The following ABCA13 variants were observed in gnomAD, a reference collection of about 807,000 sequenced individuals.
The protein encoded by ABCA13 is ATP-binding cassette sub-family A member 13.
A neutral mutation model predicts 478.7 loss-of-function variants in ABCA13; 476 were observed. The observed-to-expected ratio is 0.99, with a 90% CI of 0.92 to 1.07. The LOEUF is 1.07. Ranked by LOEUF, ABCA13 falls within the 50% of genes least tolerant of loss-of-function variation. The probability of loss-of-function intolerance (pLI) is 0.00; values close to 1 mark genes in which losing one functional copy is unlikely to be tolerated. For synonymous variants in ABCA13, 2,252 were observed against 2,158.9 expected (o/e 1.04, Z -1.20); for missense variants, 6,060 against 5,910.6 (o/e 1.03, Z -0.83).
intron 11 of ABCA13, 129 bp downstream of exon 11, chr7:48,244,832 A>G (rs527983992): frequency 1.7e-6 from 2 of 1,161,514 alleles, no homozygotes; most frequent in Admixed American, 4.7e-5. Context: ...TCATATGCAT[A>G]TTTATGCTTT....
chr7:48,476,510 AGGG>A (rs1211557471), intron 45 of ABCA13, among the ~76,000 whole-genome samples: 1 of 141,256 alleles, frequency 7.1e-6, no homozygotes, highest in Non-Finnish European at 1.5e-5. Flanking sequence ...CAGAAGAGGC[AGGG>A]GTGGTAGGTT....
intron 41 of ABCA13, among the ~76,000 whole-genome samples, chr7:48,420,784 G>C (rs2362299): frequency 0.38 from 56,742 of 147,604 alleles, 11,355 homozygotes; most frequent in African/African-American, 0.52. Context: ...AAAAAGAATT[G>C]CTGTAAAATC....
At chr7:48,314,450 T>A in intron 26 of ABCA13, 41 bp downstream of exon 26, 1 of 1,471,186 alleles carries the variant, frequency 6.8e-7, no homozygotes, top group Non-Finnish European at 9.1e-7. Flanking sequence ...TTAGATTCGT[T>A]TGTATCTTGA....
intron 61 of ABCA13, among the ~76,000 whole-genome samples, chr7:48,645,097 G>A (rs1795355737): frequency 6.6e-6 from 1 of 151,872 alleles, no homozygotes; most frequent in Non-Finnish European, 1.5e-5. Context: ...CTAACTTCTG[G>A]GGAAACAAAA....
rs749041070 is a variant in ABCA13 at position 48,279,511 on chromosome 7, A to G, written c.8317A>G (p.Lys2773Glu). The G allele has an allele frequency of 6.2e-7, 1 of 1,613,402 alleles. No homozygotes were observed. Among genetic ancestry groups the G allele is most frequent in the Non-Finnish European group, 8.5e-7 (1 of 1,179,614 alleles). ...TFTQHPNNLL[K>E]TIETVLEASS... ...TACTCAGCATCCAAATAACCTTTTG[A>G]AAACCATAGAAACAGTTTTAGAGGC... Residue 2773 changes from lysine (K) to glutamate (E), a missense_variant, in exon 18 of 62, where the codon AAA (lysine) becomes GAA (glutamate). Lys to Glu is a moderately conservative substitution (Grantham distance 56). Coordinates refer to ENST00000435803, the MANE Select transcript of ABCA13 (RefSeq NM_152701.5).
chr7:48,420,429 A>G (rs1820586930), intron 41 of ABCA13, among the ~76,000 whole-genome samples: 1 of 152,208 alleles, frequency 6.6e-6, no homozygotes, highest in East Asian at 1.9e-4. Context: ...TGCATATGGA[A>G]TATATTTTCG....
At chr7:48,228,153 C>G (rs1272617002) in intron 6 of ABCA13, among the ~76,000 whole-genome samples, 1 of 152,198 alleles carries the variant, frequency 6.6e-6, no homozygotes, top group Admixed American at 6.5e-5. Context: ...GTTACTTATT[C>G]TATCTGCCAT....
chr7:48,274,882 T>A lies in ABCA13; in HGVS notation c.5216T>A (p.Val1739Asp). ...CTCTCACGCCTGTTTCCTAAAGATGTTGTGGATGCTGTGATAGATGTGTAC... is the reference window on the plus strand; with the variant it reads ...CTCTCACGCCTGTTTCCTAAAGATGATGTGGATGCTGTGATAGATGTGTAC... ...LQLSRLFPKD[V>D]VDAVIDVYYV... is the part of the protein sequence containing the mutation. Residue 1739 changes from valine to aspartate, a missense_variant, in exon 17 of 62, where the codon GTT becomes GAT. Around this residue, in one of 3 missense-constraint regions of ABCA13, gnomAD observed 4,423 missense variants for 4,309.1 expected, o/e 1.03. Transcript: ENST00000435803. 1 of 1,613,952 alleles carries A rather than the reference T, an allele frequency of 6.2e-7. No homozygotes were observed. Among genetic ancestry groups the A allele is most frequent in the South Asian group, 1.1e-5 (1 of 91,086 alleles).
chr7:48,279,279 CCCTAATCCAATTTCCACT>C lies in ABCA13; in HGVS notation c.8087_8104del (p.Pro2696_Thr2701del). On this transcript the variant is annotated inframe_deletion, in exon 18 of 62. Coordinates refer to ENST00000435803, the MANE Select transcript of ABCA13 (RefSeq NM_152701.5). ...TCACCAACCAAATGGACTTCTTATA[CCCTAATCCAATTTCCACT>C]CATAGTGGCCCTCAAGATATAAAAT... 6.3e-7 allele frequency: 1 copy of C among 1,588,376 alleles called. No homozygotes were observed. Among genetic ancestry groups the C allele is most frequent in the Non-Finnish European group, 8.6e-7 (1 of 1,165,376 alleles).
At chr7:48,602,301 G>T (rs1325593015) in intron 58 of ABCA13, among the ~76,000 whole-genome samples, 1 of 152,112 alleles carries the variant, frequency 6.6e-6, no homozygotes, top group Non-Finnish European at 1.5e-5. Flanking sequence ...CTTTGCCCAT[G>T]CCTATGTCGT....
intron 48 of ABCA13, among the ~76,000 whole-genome samples, chr7:48,505,632 GAT>G (rs1831138644): frequency 6.6e-6 from 1 of 152,144 alleles, no homozygotes; most frequent in Admixed American, 6.5e-5. Context: ...AAGGAAATCT[GAT>G]TACTCTCACA....
Position 48,295,747 on chromosome 7 carries a change from T to C in ABCA13, c.9003T>C (p.Ser3001=). Reference sequence around the variant, plus strand: ...CGCCGAATCAGCTAAATTGTGAAAGTCTTAGCAAGAATCTTTCTAGCACCT... The same window carrying C: ...CGCCGAATCAGCTAAATTGTGAAAGCCTTAGCAAGAATCTTTCTAGCACCT... ...WSSPNQLNCE[S]LSKNLSSTLE... is the part of the protein sequence containing the mutation. The change falls in exon 21 of 62, where the codon AGT becomes AGC. Residue 3001 remains serine (S), a synonymous_variant. Coordinates refer to ENST00000435803, the MANE Select transcript of ABCA13 (RefSeq NM_152701.5). 1 of 1,614,034 alleles carries C rather than the reference T, an allele frequency of 6.2e-7. No individual in the cohort carries two copies.
At chr7:48,531,615 C>T (rs1310515084) in intron 55 of ABCA13, among the ~76,000 whole-genome samples, 1 of 151,904 alleles carries the variant, frequency 6.6e-6, no homozygotes, top group Non-Finnish European at 1.5e-5. Flanking sequence ...TGATTCTACC[C>T]ATCCATGAGC....
At chr7:48,561,075 A>G (rs1786406321) in intron 55 of ABCA13, among the ~76,000 whole-genome samples, 1 of 152,086 alleles carries the variant, frequency 6.6e-6, no homozygotes, top group Non-Finnish European at 1.5e-5. Flanking sequence ...TTGTATGTAT[A>G]TGTATATATA....
chr7:48,477,250 G>A (rs1348692657), intron 45 of ABCA13, among the ~76,000 whole-genome samples: 1 of 152,122 alleles, frequency 6.6e-6, no homozygotes, highest in East Asian at 1.9e-4. Flanking sequence ...ACAGGTGCTG[G>A]AGAGGATGTG....
At chr7:48,232,926 C>T (rs1789375441) in intron 7 of ABCA13, among the ~76,000 whole-genome samples, 1 of 152,158 alleles carries the variant, frequency 6.6e-6, no homozygotes, top group African/African-American at 2.4e-5. Flanking sequence ...GCACCTACCT[C>T]ATAGTGTTGT....
intron 58 of ABCA13, among the ~76,000 whole-genome samples, chr7:48,599,632 C>T (rs915896152): frequency 1.3e-5 from 2 of 152,122 alleles, no homozygotes; most frequent in Admixed American, 1.3e-4. Flanking sequence ...CAAGCAATCC[C>T]ATTACTGAGT....
At chr7:48,351,670 A>G (rs1371974641) in intron 30 of ABCA13, among the ~76,000 whole-genome samples, 1 of 152,192 alleles carries the variant, frequency 6.6e-6, no homozygotes, top group Non-Finnish European at 1.5e-5. Flanking sequence ...GTTATCTCCA[A>G]ATATAGTCAC....
At chr7:48,361,354 T>A (rs1032809338) in intron 31 of ABCA13, among the ~76,000 whole-genome samples, 1 of 151,650 alleles carries the variant, frequency 6.6e-6, no homozygotes, top group Non-Finnish European at 1.5e-5. Context: ...TCCCTACTCA[T>A]CCTCCTTCAT....
Sources: allele counts gnomAD v4.1 joint callset (sites outside exome capture counted in the v4.1 genomes callset), GRCh38; gene constraint gnomAD v4.1.1; regional missense constraint gnomAD v4.1.1; transcripts MANE v1.5; gene names NCBI Gene and HGNC (gene_info 2026-07-23, HGNC 2026-07-21).